The following ZNF667 variants were observed in gnomAD, a reference collection of about 807,000 sequenced individuals.
ZNF667 encodes zinc finger protein 667, also known as myocardial ischemic preconditioning upregulated 1 ortholog.
ZNF667 carries 13 observed loss-of-function variants against 31.8 expected under a neutral mutation model. The observed-to-expected ratio is 0.41, with a 90% confidence interval of 0.27 to 0.65. The LOEUF (loss-of-function observed/expected upper bound fraction) is 0.65, where lower values mean the gene tolerates loss of function less well. ZNF667 is among the 30% of genes least tolerant of loss of function. The probability of loss-of-function intolerance (pLI) is 0.32; values close to 1 mark genes in which losing one functional copy is unlikely to be tolerated. For synonymous variants in ZNF667, 228 were observed against 247.1 expected (o/e 0.92, Z 0.73); for missense variants, 642 against 725.6 (o/e 0.88, Z 1.32).
intron 6 of ZNF667, among the ~76,000 whole-genome samples, chr19:56,448,589 A>G (rs530187897): frequency 1.3e-5 from 2 of 152,086 alleles, no homozygotes; most frequent in Middle Eastern, 3.4e-3. Context: ...GGGAGAGGGA[A>G]GAGTAAAGAG....
chr19:56,462,633 A>T (rs2043071512), intron 3 of ZNF667, among the ~76,000 whole-genome samples: 1 of 152,116 alleles, frequency 6.6e-6, no homozygotes, highest in African/African-American at 2.4e-5. Flanking sequence ...TGTGCCTAAG[A>T]TCATAGCAGG....
intron 3 of ZNF667, among the ~76,000 whole-genome samples, chr19:56,464,017 G>T (rs4801163): frequency 0.39 from 59,150 of 152,002 alleles, 11,844 homozygotes; most frequent in Middle Eastern, 0.52. Context: ...AAAGGTTTTA[G>T]GAAATTAAGT....
intron 4 of ZNF667, 56 bp from the exon 5 acceptor site, chr19:56,460,871 G>C (rs556014726): frequency 2.6e-6 from 4 of 1,509,598 alleles, no homozygotes; most frequent in Non-Finnish European, 3.5e-6. Context: ...CACATGGCTG[G>C]AGGAAATGGT....
intron 6 of ZNF667, among the ~76,000 whole-genome samples, chr19:56,450,087 C>G (rs905024228): frequency 2.9e-4 from 44 of 151,628 alleles, no homozygotes; most frequent in African/African-American, 1.0e-3. Context: ...ACTTTCCAAA[C>G]CTGGAGAAAG....
At chr19:56,458,956 G>A (rs529791628) in intron 5 of ZNF667, among the ~76,000 whole-genome samples, 1 of 152,180 alleles carries the variant, frequency 6.6e-6, no homozygotes, top group Non-Finnish European at 1.5e-5. Flanking sequence ...TGGTCAGTTG[G>A]AAGGCCTGGA....
intron 6 of ZNF667, among the ~76,000 whole-genome samples, chr19:56,451,891 A>C (rs2042834026): frequency 2.0e-5 from 3 of 149,272 alleles, no homozygotes; most frequent in East Asian, 2.0e-4. Flanking sequence ...AAAAAAAAAA[A>C]AAAAAAAACT....
At chr19:56,467,389 C>A (rs1041348865) in intron 3 of ZNF667, among the ~76,000 whole-genome samples, 1 of 152,140 alleles carries the variant, frequency 6.6e-6, no homozygotes, top group Non-Finnish European at 1.5e-5. Flanking sequence ...AAATGGAAAA[C>A]ACACAAACCA....
In ZNF667 at chr19:56,460,754, C is replaced by T. The variant is rs1429200508; in HGVS notation, c.95G>A (p.Ser32Asn). ...YFSQEEWEWLSPIQKDLYEDV... is the reference protein window; with the variant it reads ...YFSQEEWEWLNPIQKDLYEDV... ...TTCATACAAATCCTTCTGAATGGGGCTCAGCCATTCCCACTCCTCCTGGGA... is the reference window on the plus strand; with the variant it reads ...TTCATACAAATCCTTCTGAATGGGGTTCAGCCATTCCCACTCCTCCTGGGA... The change falls in exon 5 of 7, where the codon AGC becomes AAC. Residue 32 changes from serine to asparagine, a missense_variant. Transcript: ENST00000504904. The T allele has an allele frequency of 1.9e-6, 3 of 1,612,798 alleles. No individual in the cohort carries two copies. The highest frequency in any genetic ancestry group is 2.5e-6 in the Non-Finnish European group (3 of 1,179,572).
At chr19:56,470,552 C>T (rs187543571) in intron 3 of ZNF667, among the ~76,000 whole-genome samples, 2 of 152,290 alleles carry the variant, frequency 1.3e-5, no homozygotes, top group Admixed American at 6.5e-5. Flanking sequence ...GAGGCCCTAT[C>T]CACAAGCCGC....
At chr19:56,447,643 G>C (rs370198993) in intron 6 of ZNF667, among the ~76,000 whole-genome samples, 1 of 151,948 alleles carries the variant, frequency 6.6e-6, no homozygotes, top group South Asian at 2.1e-4. Flanking sequence ...AGCACTTTGG[G>C]AGGCCGAGGT....
At position 56,442,167 on chromosome 19, in the gene ZNF667, A is replaced by G; in HGVS notation, c.828T>C (p.Asn276=). The change falls in exon 7 of 7, where the codon AAT becomes AAC. Residue 276 remains asparagine (N), a synonymous_variant. Coordinates refer to ENST00000504904, the MANE Select transcript of ZNF667 (RefSeq NM_001321356.2). ...SSLLLHKKIH[N]GKKTHKYNKC... is the part of the protein sequence containing the mutation. ...TATTATATTTATGTGTTTTCTTTCC[A>G]TTGTGAATTTTCTTATGAAGTAAAA... 6.2e-7 allele frequency: 1 copy of G among 1,613,488 alleles called. No individual in the cohort carries two copies. The highest frequency in any genetic ancestry group is 8.5e-7 in the Non-Finnish European group (1 of 1,179,824).
intron 6 of ZNF667, 42 bp from the exon 7 acceptor site, chr19:56,442,783 C>T (rs773857631): frequency 1.3e-6 from 2 of 1,483,030 alleles, no homozygotes; most frequent in Non-Finnish European, 1.8e-6. Flanking sequence ...CTTTTCCATG[C>T]TGAAAAAATG....
intron 3 of ZNF667, among the ~76,000 whole-genome samples, chr19:56,470,377 G>T (rs996732576): frequency 2.0e-5 from 3 of 152,202 alleles, no homozygotes; most frequent in Admixed American, 2.0e-4. Flanking sequence ...AGTTAATGAC[G>T]ATGAGAATGA....
intron 3 of ZNF667, among the ~76,000 whole-genome samples, chr19:56,462,886 G>A (rs62121597): frequency 0.17 from 26,486 of 152,166 alleles, 2,765 homozygotes; most frequent in Middle Eastern, 0.3. Context: ...AGGGGTTAGA[G>A]TCGTGGAATG....
In ZNF667 at chr19:56,448,110, T is replaced by A. The variant is rs570381880; in HGVS notation, c.254-5369A>T. Among the ~76,000 whole-genome samples the A allele has an allele frequency of 1.8e-3, 268 of 152,202 alleles. 1 individual carries two copies. Among genetic ancestry groups the A allele is most frequent in the African/African-American group, 6.2e-3 (259 of 41,516 alleles). On this transcript the variant is annotated intron_variant, in intron 6 of 6. Transcript: ENST00000504904. Reference sequence around the variant, plus strand: ...GTAGAAAAGACAGTCATCATATGCCTGCACCACCCCTCCCCCAATGCCTGG... The same window carrying A: ...GTAGAAAAGACAGTCATCATATGCCAGCACCACCCCTCCCCCAATGCCTGG...
At chr19:56,458,091 T>TA (rs1319675132) in intron 6 of ZNF667, 64 bp downstream of exon 6, 1 of 1,392,900 alleles carries the variant, frequency 7.2e-7, no homozygotes, top group African/African-American at 1.4e-5. Context: ...TCACCTAATA[T>TA]ATGGCATTCT....
Position 56,442,934 on chromosome 19 carries a change from AG to A in ZNF667, c.254-194del, listed in dbSNP as rs113400636. On this transcript the variant is annotated intron_variant, in intron 6 of 6. Coordinates refer to ENST00000504904, the MANE Select transcript of ZNF667 (RefSeq NM_001321356.2). ...CAGAGATATTTAATAACCAGAGTTC[AG>A]AAGAGTGTAATTTGAAAATGAATAA... Among the ~76,000 whole-genome samples the A allele has an allele frequency of 3.5e-3, 535 of 152,348 alleles. 3 individuals carry two copies. Among genetic ancestry groups the A allele is most frequent in the African/African-American group, 0.012 (498 of 41,584 alleles).
chr19:56,477,532 T>C (rs1170155200), upstream of ZNF667: 1 of 151,646 alleles, frequency 6.6e-6, no homozygotes, highest in Non-Finnish European at 1.5e-5. Flanking sequence ...GTTCGCACGA[T>C]TGGTGCAGGC....
intron 3 of ZNF667, among the ~76,000 whole-genome samples, chr19:56,465,889 A>T (rs2147806004): frequency 6.6e-6 from 1 of 152,320 alleles, no homozygotes; most frequent in East Asian, 1.9e-4. Context: ...GACTGTTAAG[A>T]ATACCTTCAG....
Sources: gnomAD v4.1 joint callset for allele counts (sites outside exome capture counted in the v4.1 genomes callset) on GRCh38, gnomAD v4.1.1 for gene constraint, MANE v1.5 for transcripts, NCBI Gene and HGNC (gene_info 2026-07-23, HGNC 2026-07-21) for gene names.